NEK11: variants seen among roughly 807,000 people sequenced by gnomAD.
NEK11 encodes NIMA related kinase 11, also known as serine/threonine-protein kinase Nek11.
In NEK11, 72 loss-of-function variants were observed where a neutral mutation model predicts 80.7. The ratio of observed to expected loss-of-function variants is 0.89; its 90% CI spans 0.74 to 1.08. NEK11 has a LOEUF of 1.08. Among genes scored for constraint, NEK11 ranks in the 50% least tolerant of loss-of-function variants. The pLI, the probability that NEK11 is intolerant of heterozygous loss-of-function variation, is 0.00. For missense variants in NEK11, 764 were observed against 763.6 expected, an observed-to-expected ratio of 1.00 and a Z score of -0.01; for synonymous variants, 251 against 260.7, an observed-to-expected ratio of 0.96 and a Z score of 0.36.
chr3:131,228,677 A>G lies in NEK11; in HGVS notation c.1549A>G (p.Thr517Ala), dbSNP rs745384239. 6.2e-7 allele frequency: 1 copy of G among 1,612,918 alleles called. No homozygotes were observed. Among genetic ancestry groups the G allele is most frequent in the Non-Finnish European group, 8.5e-7 (1 of 1,179,260 alleles). Residue 517 changes from threonine to alanine, a missense_variant, in exon 15 of 18, where the codon ACA becomes GCA. By Grantham distance (58) the Thr-to-Ala change is moderately conservative. Coordinates refer to ENST00000383366, the MANE Select transcript of NEK11 (RefSeq NM_024800.5). ...TGAGGGATCCCAGCCTGCTTACAGA[A>G]CAAACCAACAGGTATGTAATGCTCC... is the stretch of plus-strand genomic sequence containing the variant. ...RNEGSQPAYR[T>A]NQQDSDIEAL...
intron 17 of NEK11, among the ~76,000 whole-genome samples, chr3:131,310,442 A>C (rs1007738986): frequency 6.6e-6 from 1 of 152,224 alleles, no homozygotes; most frequent in African/African-American, 2.4e-5. Flanking sequence ...CATAGACCTC[A>C]AAGACTAATT....
At chr3:131,121,857 T>C (rs142433822) in intron 5 of NEK11, among the ~76,000 whole-genome samples, 2,021 of 152,092 alleles carry the variant, frequency 0.013, 40 homozygotes, top group African/African-American at 0.045. Flanking sequence ...AGGGTGGGAG[T>C]GTCCCAACTT....
chr3:131,185,356 C>T (rs1186626386), intron 14 of NEK11, among the ~76,000 whole-genome samples: 2 of 152,010 alleles, frequency 1.3e-5, no homozygotes, highest in Non-Finnish European at 2.9e-5. Context: ...AGGTCTGACA[C>T]CTGTGAAAGG....
chr3:131,040,380 T>C (rs959554465), intron 3 of NEK11, among the ~76,000 whole-genome samples: 2 of 152,126 alleles, frequency 1.3e-5, no homozygotes, highest in African/African-American at 4.8e-5. Flanking sequence ...ATGGATATGC[T>C]CATTATCATG....
intron 17 of NEK11, among the ~76,000 whole-genome samples, chr3:131,324,119 C>T (rs1035680981): frequency 1.3e-5 from 2 of 152,156 alleles, no homozygotes; most frequent in African/African-American, 2.4e-5. Context: ...ACTCTGGTTG[C>T]AGCAGGGACA....
intron 4 of NEK11, among the ~76,000 whole-genome samples, chr3:131,085,393 CAG>C (rs954564856): frequency 6.6e-6 from 1 of 152,054 alleles, no homozygotes; most frequent in Non-Finnish European, 1.5e-5. Context: ...TGTGGCATAA[CAG>C]AGATAATATG....
At chr3:131,262,001 C>CA (rs200473337) in intron 16 of NEK11, among the ~76,000 whole-genome samples, 2,026 of 147,156 alleles carry the variant, frequency 0.014, 41 homozygotes, top group African/African-American at 0.043. Flanking sequence ...GTCAGTGAAA[C>CA]AAAAAAAAAT....
intron 14 of NEK11, chr3:131,175,274 A>G (rs1408617768): frequency 7.5e-6 from 2 of 267,356 alleles, no homozygotes; most frequent in African/African-American, 2.3e-5. Context: ...CTGAAAATGC[A>G]TCTACAAGAA....
intron 17 of NEK11, chr3:131,328,630 T>C (rs1400605443): frequency 6.6e-6 from 1 of 152,228 alleles, no homozygotes; most frequent in African/African-American, 2.4e-5. Context: ...ATACTTTCTG[T>C]TAGTTTCTCT....
At chr3:131,299,741 G>A (rs574929602) in intron 17 of NEK11, among the ~76,000 whole-genome samples, 30 of 152,270 alleles carry the variant, frequency 2.0e-4, no homozygotes, top group Non-Finnish European at 4.1e-4. Context: ...ATTCCATGGT[G>A]TATATGTACT....
chr3:131,166,159 A>G (rs777014965), intron 12 of NEK11, among the ~76,000 whole-genome samples: 1 of 152,234 alleles, frequency 6.6e-6, no homozygotes, highest in African/African-American at 2.4e-5. Context: ...AATTTGGGCA[A>G]TAGACATCAA....
chr3:131,132,694 TA>T, intron 5 of NEK11, 50 bp from the exon 6 acceptor site: 1 of 966,640 alleles, frequency 1.0e-6, no homozygotes, highest in Non-Finnish European at 1.6e-6. Flanking sequence ...CATGGGGATT[TA>T]AAAATGTTAT....
intron 17 of NEK11, among the ~76,000 whole-genome samples, chr3:131,306,945 T>G (rs2096729560): frequency 6.6e-6 from 1 of 152,138 alleles, no homozygotes; most frequent in Non-Finnish European, 1.5e-5. Flanking sequence ...GTGAGTTTCC[T>G]CTGGTAAGCC....
chr3:131,122,363 AC>A (rs2082532055), intron 5 of NEK11, among the ~76,000 whole-genome samples: 1 of 152,116 alleles, frequency 6.6e-6, no homozygotes, highest in Non-Finnish European at 1.5e-5. Flanking sequence ...AGGTAACCTC[AC>A]CCCTGAGCCA....
intron 10 of NEK11, among the ~76,000 whole-genome samples, chr3:131,156,362 A>G (rs2090639373): frequency 6.6e-6 from 1 of 152,180 alleles, no homozygotes; most frequent in Non-Finnish European, 1.5e-5. Context: ...TTTGTCAAGG[A>G]AAGAGTTGGG....
chr3:131,198,009 C>T lies in NEK11; in HGVS notation c.1399+27122C>T, dbSNP rs926896565. 4.7e-4 allele frequency among the ~76,000 whole-genome samples: 72 copies of T among 152,110 alleles called. 1 individual carries two copies. Among genetic ancestry groups the T allele is most frequent in the African/African-American group, 1.6e-3 (66 of 41,422 alleles). On this transcript the variant is annotated intron_variant, in intron 14 of 17. Transcript: ENST00000383366. Reference sequence around the variant, plus strand: ...CTTCCTGATGTTTGATAGGTGTTCCCTCGAAATTAGGAATTCCCTTTCTCT... The same window carrying T: ...CTTCCTGATGTTTGATAGGTGTTCCTTCGAAATTAGGAATTCCCTTTCTCT...
chr3:131,291,601 C>T (rs771027033), intron 17 of NEK11, among the ~76,000 whole-genome samples: 9 of 152,122 alleles, frequency 5.9e-5, no homozygotes, highest in Non-Finnish European at 1.3e-4. Context: ...GCTCCTCATC[C>T]TTGTCAGCAT....
chr3:131,101,729 T>G (rs983489509), intron 4 of NEK11, among the ~76,000 whole-genome samples: 4 of 152,182 alleles, frequency 2.6e-5, no homozygotes, highest in African/African-American at 9.7e-5. Flanking sequence ...GTTCTATAAA[T>G]GTTTATTATG....
At chr3:131,227,776 G>T (rs532328469) in intron 14 of NEK11, among the ~76,000 whole-genome samples, 5 of 152,144 alleles carry the variant, frequency 3.3e-5, no homozygotes, top group African/African-American at 1.2e-4. Context: ...ATATTGTTAT[G>T]CTTTCTTGTG....
Sources: allele counts gnomAD v4.1 joint callset (sites outside exome capture counted in the v4.1 genomes callset), GRCh38; gene constraint gnomAD v4.1.1; transcripts MANE v1.5; gene names NCBI Gene and HGNC (gene_info 2026-07-23, HGNC 2026-07-21).